Variants in SSH2 observed in about 807,000 individuals in gnomAD.
SSH2 encodes slingshot protein phosphatase 2.
SSH2 carries 37 observed loss-of-function variants against 135.2 expected under a neutral mutation model. The observed-to-expected ratio is 0.27, with a 90% CI of 0.21 to 0.36. The LOEUF (loss-of-function observed/expected upper bound fraction) is 0.36, where lower values mean the gene tolerates loss of function less well. Among genes scored for constraint, SSH2 ranks in the 10% least tolerant of loss-of-function variants. The pLI is 1.00. For missense variants in SSH2, 1,408 were observed against 1,765.3 expected, an observed-to-expected ratio of 0.80 and a Z score of 3.63; for synonymous variants, 628 against 646.2, an observed-to-expected ratio of 0.97 and a Z score of 0.43.
intron 3 of SSH2, among the ~76,000 whole-genome samples, chr17:29,736,700 T>C (rs1197173928): frequency 6.8e-6 from 1 of 146,662 alleles, no homozygotes; most frequent in East Asian, 2.0e-4. Flanking sequence ...GGCAGGAGAC[T>C]TGCTTTAACC....
chr17:29,898,762 T>C (rs929028931), intron 1 of SSH2, among the ~76,000 whole-genome samples: 10 of 151,390 alleles, frequency 6.6e-5, no homozygotes, highest in East Asian at 5.8e-4. Flanking sequence ...AAGAGGGAAT[T>C]CTCCCTAACT....
intron 12 of SSH2, among the ~76,000 whole-genome samples, chr17:29,654,630 G>C (rs2036710274): frequency 6.6e-6 from 1 of 152,184 alleles, no homozygotes; most frequent in Non-Finnish European, 1.5e-5. Context: ...ACCTCCTAAA[G>C]TGAATGAACT....
intron 14 of SSH2, among the ~76,000 whole-genome samples, chr17:29,641,194 A>G (rs1374488632): frequency 1.3e-5 from 2 of 152,138 alleles, no homozygotes; most frequent in Admixed American, 1.3e-4. Context: ...TACAGATATG[A>G]GCCACCACGC....
intron 6 of SSH2, among the ~76,000 whole-genome samples, chr17:29,678,716 T>TTTC (rs1022824638): frequency 1.4e-5 from 2 of 141,128 alleles, no homozygotes; most frequent in South Asian, 2.3e-4. Flanking sequence ...ACTATTTCTT[T>TTTC]TTTTTTTTTT....
intron 1 of SSH2, among the ~76,000 whole-genome samples, chr17:29,864,859 C>A (rs889875094): frequency 3.3e-5 from 5 of 152,290 alleles, no homozygotes; most frequent in South Asian, 4.1e-4. Flanking sequence ...AATGCAAATT[C>A]TTGGGCCCCA....
At chr17:29,746,159 A>G (rs1362718838) in intron 3 of SSH2, among the ~76,000 whole-genome samples, 1 of 152,146 alleles carries the variant, frequency 6.6e-6, no homozygotes, top group Admixed American at 6.6e-5. Context: ...GTTTGAATCC[A>G]TTTATTTCAC....
At chr17:29,750,588 T>C (rs971816401) in intron 3 of SSH2, among the ~76,000 whole-genome samples, 1 of 151,906 alleles carries the variant, frequency 6.6e-6, no homozygotes, top group Non-Finnish European at 1.5e-5. Flanking sequence ...AGTGGCACAA[T>C]CATGGCTCAC....
chr17:29,684,483 T>TTA lies in SSH2; in HGVS notation c.479+79_479+80insTA, dbSNP rs1271047320. 6.6e-4 allele frequency: 627 copies of TTA among 956,322 alleles called. 164 individuals carry two copies. The highest frequency in any genetic ancestry group is 7.1e-4 in the Non-Finnish European group (496 of 701,256). 59.2% of individuals were successfully genotyped at this position (956,322 alleles called of 1,614,324 possible). A position where few individuals can be genotyped will look rare whatever the true frequency, so the allele number is the denominator to read the frequency against. ...CAGAGTGATGACACTCCGTCCCCAT[T>TTA]AAAAAAAAAAAAAAAAAAAAGCAAC... On this transcript the variant is annotated intron_variant, in intron 6 of 15. Coordinates refer to ENST00000540801, the MANE Select transcript of SSH2 (RefSeq NM_001282129.2).
chr17:29,813,830 T>A (rs1315025784), intron 2 of SSH2, among the ~76,000 whole-genome samples: 5 of 142,258 alleles, frequency 3.5e-5, no homozygotes, highest in Admixed American at 2.1e-4. Flanking sequence ...AAAAAAAAAT[T>A]AAATTAAAAT....
intron 3 of SSH2, among the ~76,000 whole-genome samples, chr17:29,736,877 A>C (rs1433542985): frequency 6.7e-6 from 1 of 149,044 alleles, no homozygotes; most frequent in African/African-American, 2.5e-5. Context: ...AGGCAGGCAG[A>C]TCACAAGGTC....
chr17:29,806,959 C>G (rs968772061), intron 2 of SSH2, among the ~76,000 whole-genome samples: 1 of 152,166 alleles, frequency 6.6e-6, no homozygotes, highest in African/African-American at 2.4e-5. Context: ...TACCACGCTT[C>G]CACAAGAAAC....
Position 29,650,752 on chromosome 17 carries a change from T to A in SSH2, c.1128A>T (p.Pro376=). ...GAATGTTATGATACTCAAAGACTCC[T>A]GGGAAGAAGTTATCTATCTCTCGAG... is the stretch of plus-strand genomic sequence containing the variant. The part of the protein sequence containing the change: ...NVTREIDNFF[P]GVFEYHNIRV... Residue 376 remains proline, a synonymous_variant, in exon 13 of 16, where the codon CCA becomes CCT. Coordinates refer to ENST00000540801, the MANE Select transcript of SSH2 (RefSeq NM_001282129.2). 2 of 1,613,996 alleles carry A rather than the reference T, an allele frequency of 1.2e-6. No homozygotes were observed. The highest frequency in any genetic ancestry group is 1.7e-6 in the Non-Finnish European group (2 of 1,179,944).
In SSH2 at chr17:29,630,632, A is replaced by C; in HGVS notation, c.*209T>G. 1 of 396,490 alleles carries C rather than the reference A, an allele frequency of 2.5e-6. No homozygotes were observed. The highest frequency in any genetic ancestry group is 4.4e-6 in the Non-Finnish European group (1 of 228,104). 24.6% of individuals were successfully genotyped at this position (396,490 alleles called of 1,614,324 possible). A position where few individuals can be genotyped will look rare whatever the true frequency, so the allele number is the denominator to read the frequency against. On this transcript the variant is annotated 3_prime_UTR_variant, in exon 16 of 16. Coordinates refer to ENST00000540801, the MANE Select transcript of SSH2 (RefSeq NM_001282129.2). ...TTGATTTTTTTAAATAAAAAATGAT[A>C]AACGGTCTTGCCATCCAGATCAATC...
At chr17:29,853,592 T>A (rs1261119731) in intron 1 of SSH2, among the ~76,000 whole-genome samples, 1 of 151,908 alleles carries the variant, frequency 6.6e-6, no homozygotes, top group East Asian at 1.9e-4. Flanking sequence ...GAGGGCAAAG[T>A]CAAACTCATA....
chr17:29,673,281 A>T (rs1171489832), intron 8 of SSH2, among the ~76,000 whole-genome samples: 2 of 151,790 alleles, frequency 1.3e-5, no homozygotes, highest in East Asian at 3.9e-4. Context: ...AGAAAAAAAG[A>T]CATTATGGCC....
chr17:29,794,075 T>C, intron 2 of SSH2, 138 bp from the exon 3 acceptor site: 1 of 688,558 alleles, frequency 1.5e-6, no homozygotes, highest in Non-Finnish European at 2.4e-6. Flanking sequence ...CTAAATTCTC[T>C]TCAAAAAAAG....
rs567229602 is a variant in SSH2 at position 29,754,678 on chromosome 17, T to C, written c.188+39216A>G. Among the ~76,000 whole-genome samples, 114 of 152,304 alleles carry C rather than the reference T, an allele frequency of 7.5e-4. 1 individual carries two copies. Among genetic ancestry groups the C allele is most frequent in the African/African-American group, 2.5e-3 (105 of 41,562 alleles). Reference sequence around the variant, plus strand: ...ATATTTTATTTTATTTTTATTTATTTATTTTTGAGACAGGGTTTTGCTCTG... The same window carrying C: ...ATATTTTATTTTATTTTTATTTATTCATTTTTGAGACAGGGTTTTGCTCTG... On this transcript the variant is annotated intron_variant, in intron 3 of 15. Coordinates refer to ENST00000540801, the MANE Select transcript of SSH2 (RefSeq NM_001282129.2).
intron 1 of SSH2, among the ~76,000 whole-genome samples, chr17:29,927,648 A>G (rs977364652): frequency 6.6e-6 from 1 of 152,226 alleles, no homozygotes; most frequent in African/African-American, 2.4e-5. Context: ...TGGAGGTCAG[A>G]CAGCAGCCAA....
rs2035555445 is a variant in SSH2 at position 29,628,262 on chromosome 17, A to C, written c.*2579T>G. The C allele has an allele frequency of 6.6e-6, 1 of 152,232 alleles. No individual in the cohort carries two copies. The highest frequency in any genetic ancestry group is 1.5e-5 in the Non-Finnish European group (1 of 68,040). The allele number at this position is 152,232 out of a possible 1,614,324, so 9.4% of individuals were successfully genotyped here. A position where few individuals can be genotyped will look rare whatever the true frequency, so the allele number is the denominator to read the frequency against. ...TAGAAGATGTTTATTTAGGCAGGTA[A>C]ATTAAATGATAAAAAAAGTAATTAT... On this transcript the variant is annotated 3_prime_UTR_variant, in exon 16 of 16. Transcript: ENST00000540801.
Sources: allele counts gnomAD v4.1 joint callset (sites outside exome capture counted in the v4.1 genomes callset), GRCh38; gene constraint gnomAD v4.1.1; transcripts MANE v1.5; gene names NCBI Gene and HGNC (gene_info 2026-07-23, HGNC 2026-07-21).